The following DGKD variants were observed in gnomAD, a reference collection of about 807,000 sequenced individuals.
The protein encoded by DGKD is DAG kinase delta.
DGKD carries 68 observed loss-of-function variants against 154.4 expected under a neutral mutation model. That is an observed-to-expected ratio of 0.44 (90% confidence interval 0.36 to 0.54). The LOEUF (loss-of-function observed/expected upper bound fraction) is 0.54, where lower values mean the gene tolerates loss of function less well. Ranked by LOEUF, DGKD falls within the 20% of genes least tolerant of loss-of-function variation. The probability of loss-of-function intolerance (pLI) is 0.00; values close to 1 mark genes in which losing one functional copy is unlikely to be tolerated. For missense variants in DGKD, 1,343 were observed against 1,593.6 expected (o/e 0.84, Z 2.68); for synonymous variants, 693 against 638.0 (o/e 1.09, Z -1.30).
intron 3 of DGKD, among the ~76,000 whole-genome samples, chr2:233,426,195 TTTCATA>T (rs1443935214): frequency 6.6e-6 from 1 of 152,228 alleles, no homozygotes; most frequent in Non-Finnish European, 1.5e-5. Context: ...ATGCTTCATA[TTTCATA>T]TTCATATTCA....
At chr2:233,467,756 CAG>C (rs1054011751) in intron 28 of DGKD, among the ~76,000 whole-genome samples, 52 of 152,198 alleles carry the variant, frequency 3.4e-4, no homozygotes, top group Non-Finnish European at 2.9e-5. Context: ...CCAGTGCTGT[CAG>C]GGGCTGGAGA....
intron 1 of DGKD, among the ~76,000 whole-genome samples, chr2:233,366,366 G>A (rs1320869373): frequency 3.3e-5 from 5 of 152,176 alleles, no homozygotes; most frequent in Non-Finnish European, 5.9e-5. Context: ...TGGCGATGGG[G>A]GAAGTAGCTG....
rs1701447444 is a variant in DGKD, at chr2:233,354,555, C to T, written c.37C>T (p.Pro13Ser). 7 of 1,041,792 alleles carry T rather than the reference C, an allele frequency of 6.7e-6. No homozygotes were observed. The highest frequency in any genetic ancestry group is 5.6e-5 in the South Asian group (2 of 35,594). 64.5% of individuals were successfully genotyped at this position (1,041,792 alleles called of 1,614,324 possible). ...GGCGGGCGCCCCTCCGCCGGGTCCC[C>T]CGCAACCGCCTCCGCCGCCGCCGCC... ...AAAGAPPPGPPQPPPPPPPEE... is the reference protein window; with the variant it reads ...AAAGAPPPGPSQPPPPPPPEE... Residue 13 changes from proline to serine, a missense_variant, in exon 1 of 30, where the codon CCG becomes TCG. Transcript: ENST00000264057. The surrounding 1 kb of genome is among the most constrained non-coding windows in gnomAD (Gnocchi z 4.8).
In DGKD at chr2:233,426,080, C is replaced by T. The variant is rs1359782697; in HGVS notation, c.349-8300C>T. Among the ~76,000 whole-genome samples the T allele has an allele frequency of 2.0e-5, 3 of 152,182 alleles. No homozygotes were observed. The East Asian group carries it at 5.8e-4, about 29-fold the overall frequency. On this transcript the variant is annotated intron_variant, in intron 3 of 29. Coordinates refer to ENST00000264057, the MANE Select transcript of DGKD (RefSeq NM_152879.3). ...TCTGGTAGGTTAAAAAATGGGATCT[C>T]CTAATTTTAACTTGCATTTGCCTTA...
At chr2:233,439,877 T>C (rs901443588) in intron 9 of DGKD, among the ~76,000 whole-genome samples, 1 of 152,096 alleles carries the variant, frequency 6.6e-6, no homozygotes, top group Admixed American at 6.6e-5. Context: ...TTACACTGCC[T>C]GGCAAAGAAA....
At chr2:233,460,623 G>T (rs919024897) in intron 24 of DGKD, among the ~76,000 whole-genome samples, 7 of 152,218 alleles carry the variant, frequency 4.6e-5, no homozygotes, top group African/African-American at 1.7e-4. Flanking sequence ...GGGCGCGGTG[G>T]CTCACGCCTG....
At chr2:233,433,382 A>AT (rs1417009311) in intron 3 of DGKD, among the ~76,000 whole-genome samples, 1 of 149,968 alleles carries the variant, frequency 6.7e-6, no homozygotes, top group African/African-American at 2.4e-5. Context: ...GGAGCTAATA[A>AT]AAAAAAAAAG....
At position 233,449,527 on chromosome 2, in the gene DGKD, G is replaced by A. The variant is rs771230221; in HGVS notation, c.1888+151G>A. On this transcript the variant is annotated intron_variant, in intron 15 of 29. Coordinates refer to ENST00000264057, the MANE Select transcript of DGKD (RefSeq NM_152879.3). This position sits in a 1 kb window ranked among gnomAD's most constrained non-coding sequence, Gnocchi z 5.3. Reference sequence around the variant, plus strand: ...CATGTCCAGGCACCAGACCCCCAACGAGTTCGCTTGCCCTCCTTCCACCCC... The same window carrying A: ...CATGTCCAGGCACCAGACCCCCAACAAGTTCGCTTGCCCTCCTTCCACCCC... 9.2e-5 allele frequency: 103 copies of A among 1,122,596 alleles called. No homozygotes were observed. The highest frequency in any genetic ancestry group is 1.2e-4 in the Non-Finnish European group (98 of 812,712). 69.5% of individuals were successfully genotyped at this position (1,122,596 alleles called of 1,614,324 possible).
rs769793625 is a variant in DGKD, at chr2:233,441,881, C to T, written c.1086-6C>T. On this transcript the variant is annotated splice_region_variant and splice_polypyrimidine_tract_variant and intron_variant, in intron 9 of 29. Coordinates refer to ENST00000264057, the MANE Select transcript of DGKD (RefSeq NM_152879.3). The surrounding 1 kb of genome is among the most constrained non-coding windows in gnomAD (Gnocchi z 5.6). ...TCATTTCACGGCCTTTCTCTTTTCT[C>T]TGCAGCTTACGGTTATTCCAGAAGT... The T allele has an allele frequency of 6.2e-7, 1 of 1,611,908 alleles. No homozygotes were observed.
intron 8 of DGKD, among the ~76,000 whole-genome samples, chr2:233,438,000 G>A (rs1328867765): frequency 6.6e-6 from 1 of 152,186 alleles, no homozygotes; most frequent in Non-Finnish European, 1.5e-5. Context: ...GTGGCATTTG[G>A]ACAGCTTGTG....
chr2:233,392,502 G>GT (rs1324453154), intron 3 of DGKD: 1 of 152,068 alleles, frequency 6.6e-6, no homozygotes, highest in Non-Finnish European at 1.5e-5. Flanking sequence ...TTAAACAATT[G>GT]TTTTTTCTGT....
chr2:233,370,615 G>C (rs60485593), intron 1 of DGKD, among the ~76,000 whole-genome samples: 16,804 of 123,042 alleles, frequency 0.14, 1,185 homozygotes, highest in South Asian at 0.36. Context: ...ACTCTGTTCT[G>C]TCAATGTACC....
chr2:233,387,265 A>C (rs2125434992), intron 1 of DGKD, among the ~76,000 whole-genome samples: 1 of 152,376 alleles, frequency 6.6e-6, no homozygotes, highest in Admixed American at 6.5e-5. Flanking sequence ...GTAGTTAAGC[A>C]AAAGCTTCTC....
Position 233,458,418 on chromosome 2 carries a change from G to A in DGKD, c.2694+21G>A. The A allele has an allele frequency of 1.3e-6, 2 of 1,573,836 alleles. No individual in the cohort carries two copies. The highest frequency in any genetic ancestry group is 2.3e-5 in the East Asian group (1 of 44,360). The stretch of plus-strand genomic sequence containing the variant: ...CCCAGGTAGTGGCCATGGTCCTGGG[G>A]TGTCTGGCCGAGTCCCCAGCCCGGA... On this transcript the variant is annotated intron_variant, in intron 22 of 29. Coordinates refer to ENST00000264057, the MANE Select transcript of DGKD (RefSeq NM_152879.3). The surrounding 1 kb of genome is among the most constrained non-coding windows in gnomAD (Gnocchi z 6.6).
At chr2:233,412,146 CCTG>C (rs1250831700) in intron 3 of DGKD, among the ~76,000 whole-genome samples, 1 of 152,072 alleles carries the variant, frequency 6.6e-6, no homozygotes, top group African/African-American at 2.4e-5. Context: ...ATAAGTGAGG[CCTG>C]CTAGAATTTT....
intron 3 of DGKD, among the ~76,000 whole-genome samples, chr2:233,397,841 G>C (rs2061457775): frequency 6.6e-6 from 1 of 151,998 alleles, no homozygotes; most frequent in East Asian, 1.9e-4. Context: ...CAGGTCAGAA[G>C]GGGGTGGAGT....
chr2:233,459,597 G>A lies in DGKD; in HGVS notation c.2695-160G>A, dbSNP rs2063559115. Among the ~76,000 whole-genome samples the A allele has an allele frequency of 6.6e-6, 1 of 152,208 alleles. No individual in the cohort carries two copies. Among genetic ancestry groups the A allele is most frequent in the Admixed American group, 6.5e-5 (1 of 15,284 alleles). On this transcript the variant is annotated intron_variant, in intron 22 of 29. Transcript: ENST00000264057. The surrounding 1 kb of genome is among the most constrained non-coding windows in gnomAD (Gnocchi z 5.7). ...TCGGTTGAGTGACACAACAGCAGAAGGCTAGCTGCAGGCGGAGCGCCATCC... is the reference window on the plus strand; with the variant it reads ...TCGGTTGAGTGACACAACAGCAGAAAGCTAGCTGCAGGCGGAGCGCCATCC...
intron 28 of DGKD, among the ~76,000 whole-genome samples, 183 bp from the exon 29 acceptor site, chr2:233,468,240 C>G (rs1410098168): frequency 7.5e-6 from 1 of 132,792 alleles, no homozygotes; most frequent in Non-Finnish European, 1.5e-5. Context: ...GGCTGCTGGG[C>G]TATCTCGGGT....
At chr2:233,460,600 C>T (rs1009707149) in intron 24 of DGKD, among the ~76,000 whole-genome samples, 7 of 152,290 alleles carry the variant, frequency 4.6e-5, no homozygotes, top group South Asian at 2.1e-4. Flanking sequence ...TTAAAACCTG[C>T]CCGGGCTCAG....
Sources: allele counts gnomAD v4.1 joint callset (sites outside exome capture counted in the v4.1 genomes callset), GRCh38; gene constraint gnomAD v4.1.1; non-coding constraint Gnocchi (gnomAD v3.1); transcripts MANE v1.5; gene names NCBI Gene and HGNC (gene_info 2026-07-23, HGNC 2026-07-21).